LUZP2: variants seen among roughly 807,000 people sequenced by gnomAD.
LUZP2 encodes the protein leucine zipper protein 2.
LUZP2 carries 52 observed loss-of-function variants against 51.6 expected under a neutral mutation model. That is an observed-to-expected ratio of 1.01 (90% CI 0.81 to 1.27). The LOEUF is 1.27. Among genes scored for constraint, LUZP2 ranks in the 50% most tolerant of loss-of-function variants. The probability of loss-of-function intolerance (pLI) is 0.00; values close to 1 mark genes in which losing one functional copy is unlikely to be tolerated. For synonymous variants in LUZP2, 154 were observed against 137.3 expected, an observed-to-expected ratio of 1.12 and a Z score of -0.85; for missense variants, 436 against 395.4, an observed-to-expected ratio of 1.10 and a Z score of -0.87.
At chr11:24,957,745 G>A (rs186430668) in intron 7 of LUZP2, among the ~76,000 whole-genome samples, 1 of 152,086 alleles carries the variant, frequency 6.6e-6, no homozygotes, top group East Asian at 1.9e-4. Flanking sequence ...GGTGAACACA[G>A]GTTGATTTCT....
intron 10 of LUZP2, among the ~76,000 whole-genome samples, chr11:25,053,538 A>G (rs1310634080): frequency 8.6e-6 from 1 of 115,720 alleles, no homozygotes; most frequent in East Asian, 2.0e-4. Context: ...ATGATCCCAC[A>G]TGCCTTTTTT....
chr11:24,818,023 C>A (rs1007895945), intron 5 of LUZP2, among the ~76,000 whole-genome samples: 33 of 151,970 alleles, frequency 2.2e-4, no homozygotes, highest in African/African-American at 8.0e-4. Flanking sequence ...ATCTTGTAAT[C>A]AAATAAACTA....
chr11:24,769,786 C>CTTTT lies in LUZP2; in HGVS notation c.396+6481_396+6484dup, dbSNP rs1554988302. Among the ~76,000 whole-genome samples, 942 of 146,614 alleles carry CTTTT rather than the reference C, an allele frequency of 6.4e-3. 15 individuals carry two copies. The highest frequency in any genetic ancestry group is 0.022 in the African/African-American group (823 of 37,326). On this transcript the variant is annotated intron_variant, in intron 5 of 11. Coordinates refer to ENST00000336930, the MANE Select transcript of LUZP2 (RefSeq NM_001009909.4). ...GAAATAGGGAATCACACTAAATTCT[C>CTTTT]TTTTTTGTTTGTTTGTTTTGTTTTG...
intron 1 of LUZP2, among the ~76,000 whole-genome samples, chr11:24,513,043 C>G (rs1368743808): frequency 1.3e-5 from 2 of 151,882 alleles, no homozygotes; most frequent in Non-Finnish European, 2.9e-5. Flanking sequence ...CAGGCGTGAG[C>G]CACCGCGCCC....
At chr11:24,557,491 C>A (rs1851907911) in intron 1 of LUZP2, among the ~76,000 whole-genome samples, 1 of 152,028 alleles carries the variant, frequency 6.6e-6, no homozygotes, top group East Asian at 1.9e-4. Context: ...CAAATAGAAG[C>A]AAATAGAAGG....
chr11:24,883,024 A>G (rs1463703935), intron 5 of LUZP2, among the ~76,000 whole-genome samples: 1 of 151,926 alleles, frequency 6.6e-6, no homozygotes, highest in Non-Finnish European at 1.5e-5. Flanking sequence ...AAAAAAGAAA[A>G]GAGAAGAAAG....
intron 1 of LUZP2, among the ~76,000 whole-genome samples, chr11:24,500,934 A>T (rs1849974147): frequency 6.6e-6 from 1 of 152,212 alleles, no homozygotes; most frequent in Admixed American, 6.5e-5. Flanking sequence ...TAACCTCAAG[A>T]TCAACTTGAT....
chr11:25,009,236 A>G (rs1224619024), intron 9 of LUZP2, among the ~76,000 whole-genome samples: 1 of 152,202 alleles, frequency 6.6e-6, no homozygotes, highest in African/African-American at 2.4e-5. Context: ...GTTTATGATT[A>G]CATATAAACC....
intron 9 of LUZP2, among the ~76,000 whole-genome samples, chr11:25,041,652 A>G (rs977579871): frequency 1.3e-5 from 2 of 152,196 alleles, no homozygotes; most frequent in Admixed American, 1.3e-4. Context: ...ATACACACAC[A>G]CACACAATTT....
rs974872668 is a variant in LUZP2, at chr11:25,025,475, A to G, written c.766-24563A>G. ...AAAAAATCAAACAACCCCATCAACA[A>G]TTGGGCAAAGGATATGAACAGACAC... On this transcript the variant is annotated intron_variant, in intron 9 of 11. Transcript: ENST00000336930. Among the ~76,000 whole-genome samples, 6 of 152,326 alleles carry G rather than the reference A, an allele frequency of 3.9e-5. No homozygotes were observed. The South Asian group carries it at 1.0e-3, about 26-fold the overall frequency.
At chr11:24,760,240 A>C (rs1009850945) in intron 4 of LUZP2, among the ~76,000 whole-genome samples, 1 of 152,182 alleles carries the variant, frequency 6.6e-6, no homozygotes, top group Non-Finnish European at 1.5e-5. Context: ...TAAAGCCTCC[A>C]GGTAGCAGGC....
rs75872733 is a variant in LUZP2 at position 25,008,054 on chromosome 11, G to A, written c.765+24761G>A. Among the ~76,000 whole-genome samples the A allele has an allele frequency of 6.6e-3, 1,010 of 152,244 alleles. 30 individuals are homozygous for A. The East Asian group carries it at 0.093, about 14-fold the overall frequency. ...AATAGAAATGACACAGGATCCTTTC[G>A]GTGCCACTTTGCAAGATGGAAATCT... On this transcript the variant is annotated intron_variant, in intron 9 of 11. Transcript: ENST00000336930.
chr11:24,709,919 G>T lies in LUZP2; in HGVS notation c.63-19250G>T, dbSNP rs374155499. ...ACTTTGGTGTCTGCCTTTCTCAGCT[G>T]TTTATCAGATCCTTAGAACAAGAGA... On this transcript the variant is annotated intron_variant, in intron 1 of 11. Coordinates refer to ENST00000336930, the MANE Select transcript of LUZP2 (RefSeq NM_001009909.4). Among the ~76,000 whole-genome samples, 99 of 152,256 alleles carry T rather than the reference G, an allele frequency of 6.5e-4. 1 individual carries two copies. The South Asian group carries it at 0.012, about 18-fold the overall frequency.
chr11:24,958,680 A>T (rs1183349260), intron 7 of LUZP2, among the ~76,000 whole-genome samples: 1 of 151,996 alleles, frequency 6.6e-6, no homozygotes, highest in African/African-American at 2.4e-5. Flanking sequence ...TAGGTTGTGA[A>T]AATTTTCTCC....
chr11:24,776,475 A>G (rs1319952235), intron 5 of LUZP2, among the ~76,000 whole-genome samples: 2 of 152,322 alleles, frequency 1.3e-5, no homozygotes, highest in African/African-American at 4.8e-5. Context: ...TCATTATAGA[A>G]GAGTACCTGG....
At chr11:24,630,054 T>A (rs1463449523) in intron 1 of LUZP2, among the ~76,000 whole-genome samples, 1 of 152,004 alleles carries the variant, frequency 6.6e-6, no homozygotes, top group African/African-American at 2.4e-5. Flanking sequence ...TTTTTGTTTT[T>A]ACTGAGTCGT....
intron 1 of LUZP2, among the ~76,000 whole-genome samples, chr11:24,543,246 G>A (rs566597651): frequency 1.6e-4 from 24 of 150,256 alleles, no homozygotes; most frequent in Non-Finnish European, 2.9e-4. Flanking sequence ...TCTGCGAAAG[G>A]TATACCTTCA....
intron 1 of LUZP2, among the ~76,000 whole-genome samples, chr11:24,568,072 A>G (rs72874882): frequency 0.07 from 10,625 of 152,236 alleles, 500 homozygotes; most frequent in Middle Eastern, 0.11. Flanking sequence ...TACAGTAGAC[A>G]TTTTAGATTC....
At chr11:25,025,463 A>AC (rs2133981088) in intron 9 of LUZP2, among the ~76,000 whole-genome samples, 1 of 152,200 alleles carries the variant, frequency 6.6e-6, no homozygotes, top group African/African-American at 2.4e-5. Context: ...AAATCAAACA[A>AC]CCCCATCAAC....
Sources: gnomAD v4.1 joint callset for allele counts (sites outside exome capture counted in the v4.1 genomes callset) on GRCh38, gnomAD v4.1.1 for gene constraint, MANE v1.5 for transcripts, NCBI Gene and HGNC (gene_info 2026-07-23, HGNC 2026-07-21) for gene names.